The following SWT1 variants were observed in gnomAD, a reference collection of about 807,000 sequenced individuals.
The protein encoded by SWT1 is transcriptional protein SWT1.
A neutral mutation model predicts 107.3 loss-of-function variants in SWT1; 33 were observed. That is an observed-to-expected ratio of 0.31 (90% CI 0.23 to 0.41). The LOEUF is 0.41. Among genes scored for constraint, SWT1 ranks in the 10% least tolerant of loss-of-function variants. The probability of loss-of-function intolerance (pLI) is 1.00; values close to 1 mark genes in which losing one functional copy is unlikely to be tolerated. For missense variants in SWT1, 898 were observed against 1,028.9 expected (o/e 0.87, Z 1.74); for synonymous variants, 345 against 348.3 (o/e 0.99, Z 0.11).
At chr1:185,268,668 GTTTGTCTCATCCT>G (rs1011960249) in intron 16 of SWT1, among the ~76,000 whole-genome samples, 1 of 152,050 alleles carries the variant, frequency 6.6e-6, no homozygotes, top group African/African-American at 2.4e-5. Flanking sequence ...ATTCACTAGA[GTTTGTCTCATCCT>G]CTGGAGTCTA....
At chr1:185,251,663 TTTG>T (rs759150162) in intron 16 of SWT1, among the ~76,000 whole-genome samples, 4 of 152,032 alleles carry the variant, frequency 2.6e-5, no homozygotes, top group South Asian at 2.1e-4. Flanking sequence ...AGACCAGCTT[TTTG>T]TTGTTATTAG....
intron 7 of SWT1, 79 bp downstream of exon 7, chr1:185,182,136 T>A: frequency 7.1e-7 from 1 of 1,406,832 alleles, no homozygotes; most frequent in Non-Finnish European, 9.6e-7. Context: ...TTTTATAATA[T>A]TTAGATGAAA....
intron 16 of SWT1, among the ~76,000 whole-genome samples, chr1:185,255,890 T>C (rs1201114025): frequency 2.0e-5 from 3 of 151,670 alleles, no homozygotes; most frequent in South Asian, 2.1e-4. Flanking sequence ...GGTCTTTACA[T>C]TTTGGCATGA....
chr1:185,201,366 A>G (rs1657864158), intron 10 of SWT1, among the ~76,000 whole-genome samples: 1 of 152,010 alleles, frequency 6.6e-6, no homozygotes, highest in Non-Finnish European at 1.5e-5. Context: ...CTTGAAACCC[A>G]GGGCCCTAGT....
At position 185,185,031 on chromosome 1, in the gene SWT1, C is replaced by G. The variant is rs982649819; in HGVS notation, c.1429+100C>G. 11 of 835,282 alleles carry G rather than the reference C, an allele frequency of 1.3e-5. 1 individual carries two copies. The highest frequency in any genetic ancestry group is 2.6e-4 in the Middle Eastern group (1 of 3,850). The allele number at this position is 835,282 out of a possible 1,614,324, so 51.7% of individuals were successfully genotyped here. On this transcript the variant is annotated intron_variant, in intron 9 of 18. Transcript: ENST00000367500. The stretch of plus-strand genomic sequence containing the variant: ...TGCAAAACTTTTAAAACATTTAAAC[C>G]CATTGGAATGTGAAATGGAAGGGGC...
intron 2 of SWT1, among the ~76,000 whole-genome samples, 175 bp from the exon 3 acceptor site, chr1:185,166,397 C>G (rs142885862): frequency 6.6e-6 from 1 of 152,326 alleles, no homozygotes; most frequent in South Asian, 2.1e-4. Context: ...GTTCTGGCTT[C>G]TAGTTGAATC....
At chr1:185,176,936 A>G in intron 5 of SWT1, 1 of 685,332 alleles carries the variant, frequency 1.5e-6, no homozygotes, top group Non-Finnish European at 1.8e-6. Context: ...GTGAGCCAAG[A>G]TCGCGCCACT....
intron 12 of SWT1, among the ~76,000 whole-genome samples, chr1:185,205,743 G>A (rs992780444): frequency 2.0e-5 from 3 of 152,186 alleles, no homozygotes; most frequent in Non-Finnish European, 4.4e-5. Flanking sequence ...TTGCCAGAAC[G>A]GTGCATTTGC....
chr1:185,246,458 G>A (rs906060205), intron 16 of SWT1, among the ~76,000 whole-genome samples: 1 of 151,610 alleles, frequency 6.6e-6, no homozygotes, highest in African/African-American at 2.4e-5. Flanking sequence ...TGTGTTTTTT[G>A]TAGAGACCAG....
chr1:185,247,822 T>G (rs1251404208), intron 16 of SWT1, among the ~76,000 whole-genome samples: 1 of 152,214 alleles, frequency 6.6e-6, no homozygotes, highest in African/African-American at 2.4e-5. Context: ...ATAGAATATT[T>G]CAGTCATGGA....
intron 14 of SWT1, among the ~76,000 whole-genome samples, chr1:185,216,415 TGTG>T: frequency 6.6e-6 from 1 of 152,106 alleles, no homozygotes; most frequent in Non-Finnish European, 1.5e-5. Context: ...GTGAATAAAA[TGTG>T]GTGAACAGAT....
intron 16 of SWT1, among the ~76,000 whole-genome samples, chr1:185,257,709 T>C (rs1344776264): frequency 2.6e-5 from 4 of 152,348 alleles, no homozygotes; most frequent in Admixed American, 6.5e-5. Flanking sequence ...GAACCTGGTA[T>C]CTCAGATGGA....
chr1:185,275,496 TC>T (rs1389803778), intron 17 of SWT1, among the ~76,000 whole-genome samples: 1 of 149,284 alleles, frequency 6.7e-6, no homozygotes, highest in Non-Finnish European at 1.5e-5. Context: ...AAGCAATATA[TC>T]CATGTTCATT....
intron 15 of SWT1, among the ~76,000 whole-genome samples, chr1:185,224,888 G>C (rs1032548495): frequency 3.3e-5 from 5 of 151,786 alleles, no homozygotes; most frequent in African/African-American, 9.7e-5. Flanking sequence ...CCATATATAC[G>C]ATCATGTTGT....
intron 3 of SWT1, 78 bp downstream of exon 3, chr1:185,166,730 C>G: frequency 1.1e-6 from 1 of 927,892 alleles, no homozygotes; most frequent in Non-Finnish European, 1.7e-6. Context: ...ATAAATTCCT[C>G]CTATACTTTT....
At chr1:185,161,920 G>A (rs1654181585) in intron 2 of SWT1, among the ~76,000 whole-genome samples, 1 of 152,156 alleles carries the variant, frequency 6.6e-6, no homozygotes, top group African/African-American at 2.4e-5. Context: ...ATCTGGCAAA[G>A]GTGAATATTC....
At chr1:185,221,790 C>G (rs1176220180) in intron 14 of SWT1, 59 bp from the exon 15 acceptor site, 2 of 1,278,712 alleles carry the variant, frequency 1.6e-6, no homozygotes, top group South Asian at 1.7e-5. Context: ...TTGCCACTCT[C>G]TTTTTCTCCT....
At chr1:185,185,730 G>A (rs1656413803) in intron 9 of SWT1, among the ~76,000 whole-genome samples, 2 of 152,060 alleles carry the variant, frequency 1.3e-5, no homozygotes, top group South Asian at 4.1e-4. Flanking sequence ...GGCTTTAAAA[G>A]CCATGATTAG....
intron 16 of SWT1, among the ~76,000 whole-genome samples, chr1:185,234,070 G>A (rs1333060383): frequency 6.6e-6 from 1 of 152,184 alleles, no homozygotes; most frequent in African/African-American, 2.4e-5. Flanking sequence ...GCAGTGTGGT[G>A]CTGAGAAGAA....
Sources: gnomAD v4.1 joint callset for allele counts (sites outside exome capture counted in the v4.1 genomes callset) on GRCh38, gnomAD v4.1.1 for gene constraint, MANE v1.5 for transcripts, NCBI Gene and HGNC (gene_info 2026-07-23, HGNC 2026-07-21) for gene names.